The following DMP1 variants were observed in gnomAD, a reference collection of about 807,000 sequenced individuals.
The protein encoded by DMP1 is dentin matrix acidic phosphoprotein 1.
In DMP1, 20 loss-of-function variants were observed where a neutral mutation model predicts 14.6. The ratio of observed to expected loss-of-function variants is 1.37; its 90% CI spans 0.96 to 1.99. DMP1 has a LOEUF of 1.99. Ranked by LOEUF, DMP1 falls within the 30% of genes most tolerant of loss-of-function variation. DMP1 has a pLI of 0.00. For missense variants in DMP1, 567 were observed against 620.5 expected, an observed-to-expected ratio of 0.91 and a Z score of 0.92; for synonymous variants, 197 against 215.3, an observed-to-expected ratio of 0.91 and a Z score of 0.75.
At chr4:87,655,865 C>T (rs1728675151) in intron 1 of DMP1, among the ~76,000 whole-genome samples, 2 of 152,218 alleles carry the variant, frequency 1.3e-5, no homozygotes, top group South Asian at 4.1e-4. Context: ...TTTACTTTTT[C>T]GTCAATTTAT....
At chr4:87,652,838 T>C (rs967359147) in intron 1 of DMP1, among the ~76,000 whole-genome samples, 9 of 152,210 alleles carry the variant, frequency 5.9e-5, no homozygotes, top group Non-Finnish European at 1.0e-4. Context: ...TATAACCCTA[T>C]TCAAATTTCA....
intron 1 of DMP1, among the ~76,000 whole-genome samples, chr4:87,654,437 C>T (rs1481748414): frequency 6.6e-6 from 1 of 152,110 alleles, no homozygotes. Flanking sequence ...AGTTCCTATA[C>T]CAGTAAACTA....
At position 87,663,549 on chromosome 4, in the gene DMP1, GAAAGGATC is replaced by G; in HGVS notation, c.*230_*237del. 1.7e-6 allele frequency: 1 copy of G among 605,056 alleles called. No homozygotes were observed. Among genetic ancestry groups the G allele is most frequent in the South Asian group, 2.0e-5 (1 of 50,460 alleles). 37.5% of individuals were successfully genotyped at this position (605,056 alleles called of 1,614,324 possible). ...ACACAGCCAAAGAGGCTAGAAGCAA[GAAAGGATC>G]TGCATGATAACTTTGCAGCTGAGAT... On this transcript the variant is annotated 3_prime_UTR_variant, in exon 6 of 6. Transcript: ENST00000339673.
At chr4:87,661,834 T>A in intron 5 of DMP1, 128 bp from the exon 6 acceptor site, 5 of 1,549,182 alleles carry the variant, frequency 3.2e-6, no homozygotes, top group Non-Finnish European at 4.4e-6. Flanking sequence ...TATTGAGTAG[T>A]AAAACTGACC....
At position 87,659,475 on chromosome 4, in the gene DMP1, A is replaced by C. The variant is rs546062219; in HGVS notation, c.180A>C (p.Glu60Asp). The C allele has an allele frequency of 6.2e-7, 1 of 1,613,908 alleles. No homozygotes were observed. Among genetic ancestry groups the C allele is most frequent in the South Asian group, 1.1e-5 (1 of 91,078 alleles). Residue 60 changes from glutamate to aspartate, a missense_variant, in exon 5 of 6, where the codon GAA becomes GAC. Transcript: ENST00000339673. ...SSEGSKVSSE[E>D]QANEDPSDST... ...AAGGCAGTAAAGTTAGCTCAGAGGA[A>C]CAGGTAATTAAACAGACCTTTCTTA...
In DMP1 at chr4:87,654,806, G is replaced by A. The variant is rs555637334; in HGVS notation, c.-21-1666G>A. On this transcript the variant is annotated intron_variant, in intron 1 of 5. Transcript: ENST00000339673. Reference sequence around the variant, plus strand: ...TAAGATAAAGTAAACATAGACTAGAGGAAGCTGTCAGACATGCATCTGTCT... The same window carrying A: ...TAAGATAAAGTAAACATAGACTAGAAGAAGCTGTCAGACATGCATCTGTCT... 7.2e-5 allele frequency among the ~76,000 whole-genome samples: 11 copies of A among 152,308 alleles called. 1 individual carries two copies. In the South Asian group the frequency reaches 2.1e-3, roughly 29 times the overall value.
chr4:87,656,352 T>C (rs1477968861), intron 1 of DMP1, 120 bp from the exon 2 acceptor site: 2 of 715,872 alleles, frequency 2.8e-6, no homozygotes, highest in East Asian at 2.5e-5. Flanking sequence ...GTAAATTTTA[T>C]TTATCCATTC....
At chr4:87,655,820 A>T (rs1431053270) in intron 1 of DMP1, among the ~76,000 whole-genome samples, 2 of 152,138 alleles carry the variant, frequency 1.3e-5, no homozygotes, top group Non-Finnish European at 2.9e-5. Context: ...ATTATTGTAA[A>T]AGGGAATGGA....
rs994431884 is a variant in DMP1, at chr4:87,663,859, G to A, written c.*539G>A. 1 of 167,260 alleles carries A rather than the reference G, an allele frequency of 6.0e-6. No homozygotes were observed. The highest frequency in any genetic ancestry group is 1.3e-5 in the Non-Finnish European group (1 of 76,122). 10.4% of individuals were successfully genotyped at this position (167,260 alleles called of 1,614,324 possible). A position where few individuals can be genotyped will look rare whatever the true frequency, so the allele number is the denominator to read the frequency against. On this transcript the variant is annotated 3_prime_UTR_variant, in exon 6 of 6. Transcript: ENST00000339673. ...GGGTGACCAATGCGTTGGAGAACGAGGGAGGGCTTCATAGCAGAAGACATT... is the reference window on the plus strand; with the variant it reads ...GGGTGACCAATGCGTTGGAGAACGAAGGAGGGCTTCATAGCAGAAGACATT...
At chr4:87,653,407 A>ATATAAAATATATATATATATAT (rs1728582317) in intron 1 of DMP1, among the ~76,000 whole-genome samples, 2 of 104,196 alleles carry the variant, frequency 1.9e-5, no homozygotes, top group Non-Finnish European at 4.0e-5. Context: ...ATATATATAT[A>ATATAAAATATATATATATATAT]TATATATATA....
chr4:87,661,636 C>T (rs1728883003), intron 5 of DMP1, among the ~76,000 whole-genome samples: 1 of 132,600 alleles, frequency 7.5e-6, no homozygotes, highest in Non-Finnish European at 1.6e-5. Context: ...GCCACCTTGC[C>T]CAGCCCAAGA....
At chr4:87,659,914 A>G (rs1206426297) in intron 5 of DMP1, among the ~76,000 whole-genome samples, 1 of 152,232 alleles carries the variant, frequency 6.6e-6, no homozygotes, top group African/African-American at 2.4e-5. Flanking sequence ...AGCCCTGAGG[A>G]AACTTTAATG....
intron 1 of DMP1, among the ~76,000 whole-genome samples, chr4:87,655,667 A>G (rs1286291701): frequency 6.6e-6 from 1 of 151,010 alleles, no homozygotes; most frequent in Non-Finnish European, 1.5e-5. Flanking sequence ...CTTAGAAGCC[A>G]TTGTGTGTGT....
Position 87,662,576 on chromosome 4 carries a change from A to C in DMP1, c.798A>C (p.Lys266Asn). 6.2e-7 allele frequency: 1 copy of C among 1,614,052 alleles called. No homozygotes were observed. The highest frequency in any genetic ancestry group is 8.5e-7 in the Non-Finnish European group (1 of 1,179,996). Residue 266 changes from lysine (K) to asparagine (N), a missense_variant, in exon 6 of 6, where the codon AAA becomes AAC. Lys to Asn is a moderately conservative substitution (Grantham distance 94). Transcript: ENST00000339673. Reference sequence around the variant, plus strand: ...AATTGCTGGAGCATCCCAGTAGGAAAATTTTTAGGAAGTCTCGCATCTCAG... The same window carrying C: ...AATTGCTGGAGCATCCCAGTAGGAACATTTTTAGGAAGTCTCGCATCTCAG... ...GSQLLEHPSR[K>N]IFRKSRISEE... is the part of the protein sequence containing the mutation.
At chr4:87,660,193 G>A (rs1361812512) in intron 5 of DMP1, among the ~76,000 whole-genome samples, 1 of 152,194 alleles carries the variant, frequency 6.6e-6, no homozygotes, top group Non-Finnish European at 1.5e-5. Context: ...GTTGGAAGAT[G>A]AATTATTAGC....
At chr4:87,661,601 C>T (rs1382837815) in intron 5 of DMP1, among the ~76,000 whole-genome samples, 1 of 149,912 alleles carries the variant, frequency 6.7e-6, no homozygotes, top group Non-Finnish European at 1.5e-5. Context: ...CCTCGGCCTC[C>T]TAAAGTGCTG....
chr4:87,661,918 C>T (rs527689128), intron 5 of DMP1, 44 bp from the exon 6 acceptor site: 24 of 1,614,040 alleles, frequency 1.5e-5, no homozygotes, highest in Admixed American at 1.0e-4. Context: ...CCTTCTCTAT[C>T]GGTTCCTGGA....
At position 87,658,922 on chromosome 4, in the gene DMP1, C is replaced by T. The variant is rs117846254; in HGVS notation, c.103-298C>T. The T allele has an allele frequency of 4.6e-3, 1,786 of 387,030 alleles. 44 individuals are homozygous for T. Among genetic ancestry groups the T allele is most frequent in the East Asian group, 0.04 (772 of 19,244 alleles). 24.0% of individuals were successfully genotyped at this position (387,030 alleles called of 1,614,324 possible). ...TTTCAATGCTGCTTTTCCTGTGTTA[C>T]GTTTCCTCTAGGTTGTATGAACGGC... On this transcript the variant is annotated intron_variant, in intron 3 of 5. Coordinates refer to ENST00000339673, the MANE Select transcript of DMP1 (RefSeq NM_004407.4).
chr4:87,651,450 A>T (rs1176179556), intron 1 of DMP1, among the ~76,000 whole-genome samples: 2 of 152,088 alleles, frequency 1.3e-5, no homozygotes, highest in Non-Finnish European at 2.9e-5. Context: ...GTTTCTCTGG[A>T]TTCCTGGTAG....
Sources: gnomAD v4.1 joint callset for allele counts (sites outside exome capture counted in the v4.1 genomes callset) on GRCh38, gnomAD v4.1.1 for gene constraint, MANE v1.5 for transcripts, NCBI Gene and HGNC (gene_info 2026-07-23, HGNC 2026-07-21) for gene names.